The following SUPT20H variants were observed in gnomAD, a reference collection of about 807,000 sequenced individuals.
SUPT20H encodes transcription factor SPT20 homolog.
SUPT20H carries 82 observed loss-of-function variants against 122.8 expected under a neutral mutation model. That is an observed-to-expected ratio of 0.67 (90% CI 0.56 to 0.80). SUPT20H has a LOEUF of 0.80. SUPT20H is among the 30% of genes least tolerant of loss of function. SUPT20H has a pLI of 0.00. For missense variants in SUPT20H, 831 were observed against 921.6 expected (o/e 0.90, Z 1.27); for synonymous variants, 291 against 313.0 (o/e 0.93, Z 0.74).
Position 37,009,666 on chromosome 13 carries a change from C to T in SUPT20H, c.*6G>A, listed in dbSNP as rs981364745. The T allele has an allele frequency of 5.0e-6, 8 of 1,613,042 alleles. No homozygotes were observed. In the Admixed American group the frequency reaches 5.0e-5, roughly 10 times the overall value. ...TTTAAAAAAGGAACAAAAAGTAATG[C>T]AAGACTCAAAATTTTGGAGTGGTTG... On this transcript the variant is annotated 3_prime_UTR_variant, in exon 26 of 26. Coordinates refer to ENST00000350612, the MANE Select transcript of SUPT20H (RefSeq NM_001014286.3).
intron 10 of SUPT20H, among the ~76,000 whole-genome samples, chr13:37,033,050 T>C (rs2063671325): frequency 6.6e-6 from 1 of 152,076 alleles, no homozygotes; most frequent in African/African-American, 2.4e-5. Flanking sequence ...CTTTACCTTT[T>C]TGGCAAACAG....
At position 37,040,419 on chromosome 13, in the gene SUPT20H, G is replaced by T; in HGVS notation, c.553C>A (p.His185Asn). 1 of 1,572,844 alleles carries T rather than the reference G, an allele frequency of 6.4e-7. No individual in the cohort carries two copies. The highest frequency in any genetic ancestry group is 8.6e-7 in the Non-Finnish European group (1 of 1,167,516). Residue 185 changes from histidine to asparagine, a missense_variant, in exon 9 of 26, where the codon CAC becomes AAC. Physicochemically the swap from His to Asn is moderately conservative, Grantham distance 68. Transcript: ENST00000350612. ...CDVHSITSDNHKWTQEDKLLL... is the reference protein window; with the variant it reads ...CDVHSITSDNNKWTQEDKLLL... ...AAACAACTAACCTGGGTCCATTTGT[G>T]GTTATCACTTGTTATTGAATGTACA...
At chr13:37,040,195 A>C (rs2065224858) in intron 9 of SUPT20H, 7 of 441,610 alleles carry the variant, frequency 1.6e-5, no homozygotes, top group Admixed American at 4.2e-5. Context: ...GGCCAGCTTG[A>C]CCTTAAAATG....
chr13:37,048,553 T>C lies in SUPT20H; in HGVS notation c.39+11A>G. On this transcript the variant is annotated intron_variant, in intron 3 of 25. Transcript: ENST00000350612. ...AACACTATTTCAATATGTAACTTAG[T>C]CACACCTCACCTCTGCACGATCCAA... 6.3e-7 allele frequency: 1 copy of C among 1,584,354 alleles called. No individual in the cohort carries two copies. Among genetic ancestry groups the C allele is most frequent in the South Asian group, 1.2e-5 (1 of 84,364 alleles).
At chr13:37,014,131 G>A (rs1593834719) in intron 23 of SUPT20H, among the ~76,000 whole-genome samples, 1 of 151,938 alleles carries the variant, frequency 6.6e-6, no homozygotes, top group Non-Finnish European at 1.5e-5. Context: ...CTAAGCTAAC[G>A]TTAATCAAAA....
chr13:37,022,958 A>G lies in SUPT20H; in HGVS notation c.1592-878T>C. Reference sequence around the variant, plus strand: ...TGAATGAAGTATGCACAGTTTATCAATTTTTTAAAAAACAAAAACAAAAAA... The same window carrying G: ...TGAATGAAGTATGCACAGTTTATCAGTTTTTTAAAAAACAAAAACAAAAAA... On this transcript the variant is annotated intron_variant, in intron 19 of 25. Transcript: ENST00000350612. The surrounding 1 kb of genome is among the most constrained non-coding windows in gnomAD (Gnocchi z 4.5). 2.4e-6 allele frequency: 3 copies of G among 1,245,704 alleles called. No individual in the cohort carries two copies. The highest frequency in any genetic ancestry group is 2.7e-5 in the South Asian group (2 of 74,178). 77.2% of individuals were successfully genotyped at this position (1,245,704 alleles called of 1,614,324 possible).
At chr13:37,044,233 C>G (rs746157000) in intron 6 of SUPT20H, 52 bp from the exon 7 acceptor site, 77 of 1,415,530 alleles carry the variant, frequency 5.4e-5, no homozygotes, top group Non-Finnish European at 7.2e-5. Flanking sequence ...GAAAGCTTAG[C>G]TGTATAATTC....
chr13:37,058,211 G>A lies in SUPT20H; in HGVS notation c.-94+1348C>T, dbSNP rs1046999535. Among the ~76,000 whole-genome samples, 9 of 152,122 alleles carry A rather than the reference G, an allele frequency of 5.9e-5. No homozygotes were observed. In the East Asian group the frequency reaches 1.3e-3, roughly 23 times the overall value. ...AACTGGGAGGCAGAGGTTGCAGTGA[G>A]CCAGGATCGCCCCATTGCACTCCAG... is the stretch of plus-strand genomic sequence containing the variant. On this transcript the variant is annotated intron_variant, in intron 1 of 25. Transcript: ENST00000350612.
Position 37,010,554 on chromosome 13 carries a change from G to C in SUPT20H, c.2200C>G (p.Gln734Glu), listed in dbSNP as rs757995253. The C allele has an allele frequency of 3.1e-6, 5 of 1,613,416 alleles. No individual in the cohort carries two copies. In the Admixed American group the frequency reaches 6.7e-5, roughly 22 times the overall value. Residue 734 changes from glutamine (Q) to glutamate (E), a missense_variant and splice_region_variant, in exon 25 of 26, where the codon CAA (glutamine) becomes GAA (glutamate). Gln to Glu is a conservative substitution (Grantham distance 29). Coordinates refer to ENST00000350612, the MANE Select transcript of SUPT20H (RefSeq NM_001014286.3). Reference sequence around the variant, plus strand: ...TCAGAGTGAAGTTGCTGGATTACTTGTATCTGTTGCTGCTGCTGTTGAAAG... The same window carrying C: ...TCAGAGTGAAGTTGCTGGATTACTTCTATCTGTTGCTGCTGCTGTTGAAAG... Reference protein sequence around the residue: ...SAFQQQQQQIQQLRFLQHQMA... With the variant: ...SAFQQQQQQIEQLRFLQHQMA...
At chr13:37,048,431 G>T in intron 3 of SUPT20H, 133 bp downstream of exon 3, 3 of 618,496 alleles carry the variant, frequency 4.9e-6, no homozygotes, top group Non-Finnish European at 7.8e-6. Context: ...TATATTTACA[G>T]CAAAATGATA....
chr13:37,043,111 A>T (rs1023435972), intron 7 of SUPT20H, among the ~76,000 whole-genome samples: 1 of 152,208 alleles, frequency 6.6e-6, no homozygotes, highest in African/African-American at 2.4e-5. Context: ...ATAGAGAAAG[A>T]GAAATAGAAA....
At chr13:37,043,624 CTA>C (rs2138785499) in intron 7 of SUPT20H, among the ~76,000 whole-genome samples, 1 of 152,130 alleles carries the variant, frequency 6.6e-6, no homozygotes, top group East Asian at 1.9e-4. Flanking sequence ...TTCCAGATAG[CTA>C]TATATGTCTC....
At chr13:37,042,737 A>G (rs374814660) in intron 7 of SUPT20H, among the ~76,000 whole-genome samples, 1 of 152,308 alleles carries the variant, frequency 6.6e-6, no homozygotes, top group East Asian at 1.9e-4. Context: ...AGGTGGTGGA[A>G]AGAATGGGAT....
At chr13:37,016,940 T>C (rs1450981308) in intron 23 of SUPT20H, among the ~76,000 whole-genome samples, 1 of 152,070 alleles carries the variant, frequency 6.6e-6, no homozygotes, top group East Asian at 1.9e-4. Context: ...GGGTAGAAAA[T>C]ACATGAGTGA....
intron 22 of SUPT20H, 105 bp downstream of exon 22, chr13:37,019,237 T>C: frequency 2.5e-6 from 2 of 798,646 alleles, no homozygotes; most frequent in South Asian, 4.1e-5. Context: ...TAGAAGAATC[T>C]AAACAGACCT....
intron 5 of SUPT20H, among the ~76,000 whole-genome samples, chr13:37,046,395 ATC>A (rs2066436790): frequency 6.6e-6 from 1 of 152,166 alleles, no homozygotes. Context: ...CACAGAGTTG[ATC>A]CCATTTAGAC....
At chr13:37,012,481 CA>C (rs2059775909) in intron 23 of SUPT20H, 184 bp from the exon 24 acceptor site, 1 of 453,544 alleles carries the variant, frequency 2.2e-6, no homozygotes, top group Non-Finnish European at 3.9e-6. Flanking sequence ...GGTATTTGAA[CA>C]AAGAAAACTT....
intron 15 of SUPT20H, 68 bp downstream of exon 15, chr13:37,026,722 A>T: frequency 1.1e-6 from 1 of 913,370 alleles, no homozygotes; most frequent in Non-Finnish European, 1.6e-6. Flanking sequence ...ATATTTAGCA[A>T]GTCTTTTTAA....
intron 21 of SUPT20H, among the ~76,000 whole-genome samples, chr13:37,021,077 C>G (rs1269444858): frequency 1.3e-5 from 2 of 152,182 alleles, no homozygotes; most frequent in African/African-American, 4.8e-5. Context: ...TAGTCTGGCT[C>G]CAGAATCCAG....
Sources: allele counts gnomAD v4.1 joint callset (sites outside exome capture counted in the v4.1 genomes callset), GRCh38; gene constraint gnomAD v4.1.1; non-coding constraint Gnocchi (gnomAD v3.1); transcripts MANE v1.5; gene names NCBI Gene and HGNC (gene_info 2026-07-23, HGNC 2026-07-21).